Variants in SLC14A2 observed in about 807,000 individuals in gnomAD.
The protein encoded by SLC14A2 is urea transporter 2.
In SLC14A2, 91 loss-of-function variants were observed where a neutral mutation model predicts 104.6. The observed-to-expected ratio is 0.87, with a 90% CI of 0.73 to 1.04. SLC14A2 has a LOEUF of 1.04. Among genes scored for constraint, SLC14A2 ranks in the 50% least tolerant of loss-of-function variants. The pLI, the probability that SLC14A2 is intolerant of heterozygous loss-of-function variation, is 0.00. For missense variants in SLC14A2, 1,189 were observed against 1,156.0 expected, an observed-to-expected ratio of 1.03 and a Z score of -0.41; for synonymous variants, 476 against 466.4, an observed-to-expected ratio of 1.02 and a Z score of -0.27.
At chr18:45,179,968 A>T in the SLC14A2 span, 3 of 152,154 alleles carry the variant, frequency 2.0e-5, no homozygotes, top group Non-Finnish European at 4.4e-5. Flanking sequence ...CATCCTAGTG[A>T]GACCTTGACT....
chr18:45,607,697 A>G (rs533527838), intron 2 of SLC14A2, among the ~76,000 whole-genome samples: 1 of 152,376 alleles, frequency 6.6e-6, no homozygotes, highest in Admixed American at 6.5e-5. Flanking sequence ...GTCTCTGGAC[A>G]GGAATCCAGG....
At chr18:45,261,371 C>T (rs1441402838) in intron 1 of SLC14A2, among the ~76,000 whole-genome samples, 3 of 151,480 alleles carry the variant, frequency 2.0e-5, no homozygotes, top group East Asian at 1.9e-4. Context: ...GCATAGTATT[C>T]TATGGTGTAT....
chr18:45,420,745 ATTAT>A, intron 1 of SLC14A2, among the ~76,000 whole-genome samples: 1 of 145,594 alleles, frequency 6.9e-6, no homozygotes, highest in Non-Finnish European at 1.5e-5. Context: ...TATTATTATT[ATTAT>A]TTTTTTTTTT....
At chr18:45,680,736 C>T (rs1262933509) in intron 19 of SLC14A2, among the ~76,000 whole-genome samples, 1 of 152,190 alleles carries the variant, frequency 6.6e-6, no homozygotes, top group East Asian at 1.9e-4. Flanking sequence ...TCCTATTTCG[C>T]TATTGAGGTC....
intron 1 of SLC14A2, among the ~76,000 whole-genome samples, chr18:45,348,364 A>T (rs1568162064): frequency 6.6e-6 from 1 of 152,210 alleles, no homozygotes; most frequent in Non-Finnish European, 1.5e-5. Flanking sequence ...TCTCACTTGG[A>T]CCAGGTGACA....
At chr18:45,316,765 C>A (rs2085133485) in intron 1 of SLC14A2, among the ~76,000 whole-genome samples, 1 of 152,158 alleles carries the variant, frequency 6.6e-6, no homozygotes, top group Admixed American at 6.5e-5. Flanking sequence ...GACAGAACTA[C>A]CCTTCCCTTC....
intron 1 of SLC14A2, among the ~76,000 whole-genome samples, chr18:45,430,897 G>C (rs903917228): frequency 6.6e-6 from 1 of 152,154 alleles, no homozygotes; most frequent in African/African-American, 2.4e-5. Context: ...GACTGGAATG[G>C]ACACCCAGGG....
chr18:45,640,013 G>C, intron 7 of SLC14A2, 120 bp downstream of exon 7: 2 of 953,202 alleles, frequency 2.1e-6, no homozygotes, highest in South Asian at 3.4e-5. Flanking sequence ...CTTTCAGGGA[G>C]ACAGGCACGG....
intron 2 of SLC14A2, among the ~76,000 whole-genome samples, chr18:45,518,925 T>C (rs1293952359): frequency 1.3e-5 from 2 of 152,130 alleles, no homozygotes; most frequent in African/African-American, 4.8e-5. Context: ...CTGGTTAAGC[T>C]GAGAGCCCCA....
intron 1 of SLC14A2, chr18:45,423,832 C>T (rs183510752): frequency 5.9e-5 from 9 of 152,302 alleles, no homozygotes; most frequent in Non-Finnish European, 1.3e-4. Context: ...TTGGTGTGTC[C>T]TCATCTCATC....
chr18:45,620,466 C>T (rs981804028), intron 1 of SLC14A2, among the ~76,000 whole-genome samples: 1 of 152,166 alleles, frequency 6.6e-6, no homozygotes. Context: ...ATATTGTCTG[C>T]ATACAGAAGG....
chr18:45,532,728 C>A (rs1164640095), intron 2 of SLC14A2, among the ~76,000 whole-genome samples: 1 of 152,098 alleles, frequency 6.6e-6, no homozygotes, highest in East Asian at 1.9e-4. Context: ...GAACTTCCAA[C>A]ACTATGTTGA....
chr18:45,355,766 C>G (rs1019032641), intron 1 of SLC14A2, among the ~76,000 whole-genome samples: 3 of 152,090 alleles, frequency 2.0e-5, no homozygotes, highest in Admixed American at 6.6e-5. Context: ...TGTCTGAATG[C>G]ACCCACTCAT....
At chr18:45,490,694 T>A (rs2042981463) in intron 2 of SLC14A2, among the ~76,000 whole-genome samples, 1 of 152,152 alleles carries the variant, frequency 6.6e-6, no homozygotes, top group African/African-American at 2.4e-5. Flanking sequence ...GGAGGAGAAG[T>A]TTGCAATGCA....
At chr18:45,627,244 G>T in intron 4 of SLC14A2, 97 bp downstream of exon 4, 1 of 1,103,506 alleles carries the variant, frequency 9.1e-7, no homozygotes, top group East Asian at 2.4e-5. Flanking sequence ...CTCCCAGCCA[G>T]CCAAAGTCTC....
At chr18:45,256,546 C>G (rs527562119) in intron 1 of SLC14A2, among the ~76,000 whole-genome samples, 1 of 152,178 alleles carries the variant, frequency 6.6e-6, no homozygotes, top group Non-Finnish European at 1.5e-5. Flanking sequence ...TAATCCTGTG[C>G]TAAGGAACAG....
At chr18:45,466,783 C>T (rs2087150758) in intron 1 of SLC14A2, among the ~76,000 whole-genome samples, 2 of 151,768 alleles carry the variant, frequency 1.3e-5, no homozygotes, top group Non-Finnish European at 2.9e-5. Flanking sequence ...AAAAGAGAGG[C>T]AGCCAAGCAC....
intron 1 of SLC14A2, among the ~76,000 whole-genome samples, chr18:45,423,178 C>T (rs2086372883): frequency 6.6e-6 from 1 of 152,202 alleles, no homozygotes; most frequent in Non-Finnish European, 1.5e-5. Flanking sequence ...ATTTTCCGCT[C>T]AGGCTCAAGT....
rs577184028 is a variant in SLC14A2 at position 45,240,652 on chromosome 18, T to G, written c.-125+27461T>G. 4.2e-3 allele frequency among the ~76,000 whole-genome samples: 610 copies of G among 146,380 alleles called. 3 individuals carry two copies. The highest frequency in any genetic ancestry group is 6.7e-3 in the Non-Finnish European group (453 of 67,890). On this transcript the variant is annotated intron_variant, in intron 1 of 20. Coordinates refer to the SLC14A2 transcript ENST00000586448. ...AGTGTTTTTTTTTTGTTTTTTTTGT[T>G]TTTGTTTTTGGTTTTGCCTTTTTGA... is the stretch of plus-strand genomic sequence containing the variant.
Sources: gnomAD v4.1 joint callset for allele counts (sites outside exome capture counted in the v4.1 genomes callset) on GRCh38, gnomAD v4.1.1 for gene constraint, MANE v1.5 for transcripts, NCBI Gene and HGNC (gene_info 2026-07-23, HGNC 2026-07-21) for gene names.